MYO19: variants seen among roughly 807,000 people sequenced by gnomAD.
The protein encoded by MYO19 is unconventional myosin-XIX.
MYO19 carries 132 observed loss-of-function variants against 129.2 expected under a neutral mutation model. The observed-to-expected ratio is 1.02, with a 90% CI of 0.89 to 1.18. The LOEUF (loss-of-function observed/expected upper bound fraction) is 1.18. MYO19 is among the 50% of genes most tolerant of loss of function. The pLI is 0.00. For missense variants in MYO19, 1,210 were observed against 1,216.7 expected (o/e 0.99, Z 0.08); for synonymous variants, 531 against 477.2 (o/e 1.11, Z -1.47).
At chr17:36,537,935 T>C (rs915498700), upstream of MYO19, 4 of 1,614,142 alleles carry the variant, frequency 2.5e-6, no homozygotes, top group Non-Finnish European at 2.5e-6. Flanking sequence ...CCCTTGACTT[T>C]ACCTCACTGA....
chr17:36,523,126 G>A (rs557282500), intron 6 of MYO19, among the ~76,000 whole-genome samples: 389 of 150,250 alleles, frequency 2.6e-3, no homozygotes, highest in Non-Finnish European at 3.9e-3. Context: ...GGCGGAGGCT[G>A]CAGTGGGCTG....
Position 36,496,402 on chromosome 17 carries a change from G to A in MYO19, c.2762C>T (p.Ser921Leu), listed in dbSNP as rs766772441. The A allele has an allele frequency of 5.6e-6, 9 of 1,613,754 alleles. No homozygotes were observed. The highest frequency in any genetic ancestry group is 2.2e-5 in the East Asian group (1 of 44,900). ...VTSIRALPQG[S>L]IKFHCRKSPL... ...AGACTTTCTGCAGTGAAACTTTATC[G>A]ATCCCTAGAGGGGAGAGAGAGATGC... The change falls in exon 26 of 26, where the codon TCG becomes TTG. Residue 921 changes from serine (S) to leucine (L), a missense_variant. Transcript: ENST00000614623.
chr17:36,542,257 C>A (rs1039703662), intron 1 of MYO19: 5 of 152,130 alleles, frequency 3.3e-5, no homozygotes, highest in African/African-American at 9.7e-5. Context: ...TGTTTTAATA[C>A]CTTTTCACAG....
chr17:36,510,672 T>C, intron 13 of MYO19, 74 bp downstream of exon 13: 1 of 1,485,356 alleles, frequency 6.7e-7, no homozygotes, highest in African/African-American at 1.4e-5. Flanking sequence ...TGCCTGATGT[T>C]GTCTGGCCCA....
At chr17:36,502,038 A>C (rs2142826384) in intron 21 of MYO19, 1 of 153,368 alleles carries the variant, frequency 6.5e-6, no homozygotes, top group Non-Finnish European at 1.5e-5. Context: ...AAGGAAAGTG[A>C]AAACTGCCCA....
intron 9 of MYO19, 146 bp downstream of exon 9, chr17:36,514,300 T>C (rs2072582992): frequency 3.1e-6 from 2 of 648,480 alleles, no homozygotes; most frequent in East Asian, 2.6e-5. Context: ...AAGTGCTGCA[T>C]GTAAAGTCTG....
chr17:36,515,189 A>G lies in MYO19; in HGVS notation c.548-7T>C. ...CTCAGTGTACACGCATTCCCTACAG[A>G]TCACACCTATGTTTATTTCACTCCC... is the stretch of plus-strand genomic sequence containing the variant. On this transcript the variant is annotated splice_region_variant and splice_polypyrimidine_tract_variant and intron_variant, in intron 7 of 25. Transcript: ENST00000614623. 6.2e-7 allele frequency: 1 copy of G among 1,611,836 alleles called. No individual in the cohort carries two copies.
chr17:36,498,724 G>A, intron 24 of MYO19, 165 bp from the exon 25 acceptor site: 1 of 706,076 alleles, frequency 1.4e-6, no homozygotes. Flanking sequence ...TATGCCACAA[G>A]TCTATACACC....
Position 36,507,412 on chromosome 17 carries a change from G to C in MYO19, c.1454C>G (p.Ser485Cys). The change falls in exon 16 of 26, where the codon TCC (serine) becomes TGC (cysteine). Residue 485 changes from serine (S) to cysteine (C), a missense_variant. By Grantham distance (112) the Ser-to-Cys change is moderately radical. Coordinates refer to ENST00000614623, the MANE Select transcript of MYO19 (RefSeq NM_001163735.2). Reference sequence around the variant, plus strand: ...TGACCTCCCCACCTCATTTATGAGGGAGCAGATGCTGATGGGGCTTCCCTC... The same window carrying C: ...TGACCTCCCCACCTCATTTATGAGGCAGCAGATGCTGATGGGGCTTCCCTC... ...LIEGSPISICSLINEECRLNR... is the reference protein window; with the variant it reads ...LIEGSPISICCLINEECRLNR... 1.2e-6 allele frequency: 2 copies of C among 1,613,452 alleles called. No individual in the cohort carries two copies. Among genetic ancestry groups the C allele is most frequent in the Non-Finnish European group, 1.7e-6 (2 of 1,179,828 alleles).
At chr17:36,512,988 G>T in intron 11 of MYO19, 1 of 770,962 alleles carries the variant, frequency 1.3e-6, no homozygotes, top group Non-Finnish European at 1.7e-6. Context: ...AGTGGTATCT[G>T]ACCTTGGGCA....
At chr17:36,514,803 G>C (rs2072626752) in intron 8 of MYO19, among the ~76,000 whole-genome samples, 1 of 152,202 alleles carries the variant, frequency 6.6e-6, no homozygotes, top group African/African-American at 2.4e-5. Flanking sequence ...AGGAGTCGAA[G>C]TCTCAGCCTC....
At chr17:36,543,976 A>G (rs1267760325), upstream of MYO19, among the ~76,000 whole-genome samples, 1 of 152,228 alleles carries the variant, frequency 6.6e-6, no homozygotes, top group Non-Finnish European at 1.5e-5. Flanking sequence ...AGAGCAGTAA[A>G]TTGATCTGTC....
At position 36,498,416 on chromosome 17, in the gene MYO19, G is replaced by A. The variant is rs201089248; in HGVS notation, c.2607C>T (p.Val869=). ...CTACACCCATAGCCGTATTGGCCAGGACCAGTCCCAGGGGCCAGAGGCGGA... is the reference window on the plus strand; with the variant it reads ...CTACACCCATAGCCGTATTGGCCAGAACCAGTCCCAGGGGCCAGAGGCGGA... ...AIIRLWPLGL[V]LANTAMGVGS... Residue 869 remains valine, a synonymous_variant, in exon 25 of 26, where the codon GTC becomes GTT. Coordinates refer to ENST00000614623, the MANE Select transcript of MYO19 (RefSeq NM_001163735.2). 1.4e-5 allele frequency: 23 copies of A among 1,614,040 alleles called. No individual in the cohort carries two copies. In the East Asian group the frequency reaches 5.1e-4, roughly 36 times the overall value.
At chr17:36,506,395 T>C in intron 18 of MYO19, 61 bp downstream of exon 18, 1 of 1,604,242 alleles carries the variant, frequency 6.2e-7, no homozygotes, top group Non-Finnish European at 8.5e-7. Context: ...AGGTGCTCAA[T>C]AAATATTTGT....
intron 25 of MYO19, 145 bp from the exon 26 acceptor site, chr17:36,496,551 C>A: frequency 1.4e-6 from 1 of 730,956 alleles, no homozygotes. Flanking sequence ...AATAGCATTA[C>A]ATCCACTCAG....
At position 36,513,684 on chromosome 17, in the gene MYO19, G is replaced by T; in HGVS notation, c.762C>A (p.His254Gln). Residue 254 changes from histidine (H) to glutamine (Q), a missense_variant, in exon 10 of 26, where the codon CAC (histidine) becomes CAA (glutamine). By Grantham distance (24) the His-to-Gln change is conservative. Coordinates refer to ENST00000614623, the MANE Select transcript of MYO19 (RefSeq NM_001163735.2). Reference sequence around the variant, plus strand: ...AGGAGAAGGCAGCTCCCTCAGGAAGGTGCCACTGGAGCCTCTCGTCCTCAC... The same window carrying T: ...AGGAGAAGGCAGCTCCCTCAGGAAGTTGCCACTGGAGCCTCTCGTCCTCAC... ...GASEDERLQWHLPEGAAFSWL... is the reference protein window; with the variant it reads ...GASEDERLQWQLPEGAAFSWL... The T allele has an allele frequency of 6.2e-7, 1 of 1,613,958 alleles. No homozygotes were observed. Among genetic ancestry groups the T allele is most frequent in the Non-Finnish European group, 8.5e-7 (1 of 1,179,874 alleles).
At chr17:36,525,037 G>A (rs1275716327) in intron 6 of MYO19, among the ~76,000 whole-genome samples, 191 bp downstream of exon 6, 1 of 152,150 alleles carries the variant, frequency 6.6e-6, no homozygotes, top group Non-Finnish European at 1.5e-5. Flanking sequence ...GTAGAGCCTG[G>A]ACTGGTATCC....
At chr17:36,534,288 C>T (rs1044116383) in intron 1 of MYO19, 184 bp from the exon 2 acceptor site, 4 of 152,260 alleles carry the variant, frequency 2.6e-5, no homozygotes, top group Admixed American at 6.5e-5. Flanking sequence ...CCCCAGGTTC[C>T]CGGCGGGAAC....
In MYO19 at chr17:36,500,946, T is replaced by G. The variant is rs377207543; in HGVS notation, c.2261A>C (p.Glu754Ala). ...FMTDSMLELL[E>A]CGRARVLEQC... Reference sequence around the variant, plus strand: ...CTCCAGCACCCGGGCACGCCCACATTCCAGAAGCTCCAGCTGGGAGAAAAG... The same window carrying G: ...CTCCAGCACCCGGGCACGCCCACATGCCAGAAGCTCCAGCTGGGAGAAAAG... Residue 754 changes from glutamate to alanine, a missense_variant, in exon 23 of 26, where the codon GAA becomes GCA. Transcript: ENST00000614623. 2 of 1,611,370 alleles carry G rather than the reference T, an allele frequency of 1.2e-6. No homozygotes were observed. Among genetic ancestry groups the G allele is most frequent in the African/African-American group, 2.7e-5 (2 of 74,870 alleles).
Sources: gnomAD v4.1 joint callset for allele counts (sites outside exome capture counted in the v4.1 genomes callset) on GRCh38, gnomAD v4.1.1 for gene constraint, MANE v1.5 for transcripts, NCBI Gene and HGNC (gene_info 2026-07-23, HGNC 2026-07-21) for gene names.